Variants in SND1 observed in about 807,000 individuals in gnomAD.
The protein encoded by SND1 is staphylococcal nuclease and tudor domain containing 1.
Under a neutral mutation model 121.7 loss-of-function variants are expected in SND1, and 38 were observed. That is an observed-to-expected ratio of 0.31 (90% CI 0.24 to 0.41). SND1 has a LOEUF of 0.41. Among genes scored for constraint, SND1 ranks in the 10% least tolerant of loss-of-function variants. The pLI is 1.00. For missense variants in SND1, 868 were observed against 1,184.6 expected (o/e 0.73, Z 3.92); for synonymous variants, 401 against 447.4 (o/e 0.90, Z 1.31).
rs934086409 is a variant in SND1, at chr7:127,832,872, G to A, written c.1243-11452G>A. 1.8e-4 allele frequency among the ~76,000 whole-genome samples: 27 copies of A among 152,246 alleles called. 1 individual carries two copies. Among genetic ancestry groups the A allele is most frequent in the Non-Finnish European group, 5.9e-5 (4 of 68,042 alleles). ...GCAGCAGCATTAGATTCTCATAGAA[G>A]TGCAAAGCCTAGTGTGAACTACACG... On this transcript the variant is annotated intron_variant, in intron 11 of 23. Coordinates refer to ENST00000354725, the MANE Select transcript of SND1 (RefSeq NM_014390.4).
chr7:127,718,507 C>A, intron 9 of SND1: 1 of 934,858 alleles, frequency 1.1e-6, no homozygotes, highest in Non-Finnish European at 1.3e-6. Context: ...CGCATGCACT[C>A]ACCCTTCCTA....
At chr7:127,997,895 G>A (rs1802708582) in intron 16 of SND1, 2 of 534,584 alleles carry the variant, frequency 3.7e-6, no homozygotes, top group Non-Finnish European at 7.7e-6. Flanking sequence ...CCTTTTCTTG[G>A]AAGGCTTCCC....
chr7:127,878,445 C>T (rs1000775863), intron 12 of SND1, among the ~76,000 whole-genome samples: 1 of 152,180 alleles, frequency 6.6e-6, no homozygotes, highest in African/African-American at 2.4e-5. Context: ...CACAGCTGTG[C>T]TGGTGGGTTG....
chr7:127,881,878 A>T (rs940011594), intron 12 of SND1, among the ~76,000 whole-genome samples: 15 of 152,146 alleles, frequency 9.9e-5, no homozygotes, highest in African/African-American at 3.4e-4. Context: ...GACGCAAGAG[A>T]TCCTCCTGCC....
At chr7:127,847,137 T>G (rs535143082) in intron 12 of SND1, among the ~76,000 whole-genome samples, 1 of 152,074 alleles carries the variant, frequency 6.6e-6, no homozygotes, top group Non-Finnish European at 1.5e-5. Flanking sequence ...CTGAGTCTGG[T>G]GGCAGGTGCC....
chr7:127,993,982 A>T (rs943589201), intron 16 of SND1, among the ~76,000 whole-genome samples: 6 of 152,216 alleles, frequency 3.9e-5, no homozygotes, highest in African/African-American at 1.4e-4. Context: ...CAGGCAGAGA[A>T]CAGGAAGCTG....
intron 16 of SND1, among the ~76,000 whole-genome samples, chr7:128,041,031 A>G (rs1792845363): frequency 6.6e-6 from 1 of 152,166 alleles, no homozygotes; most frequent in South Asian, 2.1e-4. Flanking sequence ...CAGGGAGGGA[A>G]TTAAGGGACC....
intron 1 of SND1, among the ~76,000 whole-genome samples, chr7:127,683,615 A>G (rs1170413667): frequency 6.6e-6 from 1 of 152,218 alleles, no homozygotes; most frequent in Non-Finnish European, 1.5e-5. Flanking sequence ...AACTGTGTAC[A>G]GTCAGTCTTT....
At chr7:127,910,308 G>A (rs909671149) in intron 14 of SND1, among the ~76,000 whole-genome samples, 1 of 152,098 alleles carries the variant, frequency 6.6e-6, no homozygotes, top group African/African-American at 2.4e-5. Context: ...GCCAGGCGTG[G>A]TCGCGGGCAC....
chr7:127,801,443 T>C (rs1798125896), intron 10 of SND1, among the ~76,000 whole-genome samples: 1 of 152,196 alleles, frequency 6.6e-6, no homozygotes, highest in Non-Finnish European at 1.5e-5. Flanking sequence ...TTGTCCGTTA[T>C]TTACTGAGTA....
intron 1 of SND1, among the ~76,000 whole-genome samples, chr7:127,679,587 C>T (rs1411222868): frequency 6.6e-6 from 1 of 152,108 alleles, no homozygotes; most frequent in Non-Finnish European, 1.5e-5. Flanking sequence ...AGTATATTCC[C>T]CACTCTCCCC....
chr7:127,654,929 A>G (rs984428257), intron 1 of SND1, among the ~76,000 whole-genome samples: 5 of 152,240 alleles, frequency 3.3e-5, no homozygotes, highest in Admixed American at 2.6e-4. Flanking sequence ...ATTTTCCTGT[A>G]GAGTAATAGT....
intron 12 of SND1, among the ~76,000 whole-genome samples, chr7:127,879,768 G>A (rs1046000653): frequency 2.6e-5 from 4 of 152,136 alleles, no homozygotes; most frequent in African/African-American, 9.7e-5. Context: ...AGACATTGGA[G>A]TTTTTGAGGG....
At chr7:127,851,884 CG>C (rs1799170332) in intron 12 of SND1, among the ~76,000 whole-genome samples, 1 of 152,152 alleles carries the variant, frequency 6.6e-6, no homozygotes, top group Admixed American at 6.5e-5. Flanking sequence ...TGGCTGGGCA[CG>C]GTGGCTCACG....
In SND1 at chr7:128,081,464, T is replaced by C. The variant is rs774188450; in HGVS notation, c.2073T>C (p.Thr691=). The C allele has an allele frequency of 2.5e-6, 4 of 1,614,052 alleles. No homozygotes were observed. The highest frequency in any genetic ancestry group is 3.4e-6 in the Non-Finnish European group (4 of 1,180,034). The change falls in exon 18 of 24, where the codon ACT becomes ACC. Residue 691 remains threonine, a synonymous_variant. Transcript: ENST00000354725. ...SYKPVFVTEI[T]DDLHFYVQDV... is the part of the protein sequence containing the mutation. Reference sequence around the variant, plus strand: ...AGCCCGTGTTTGTGACTGAGATCACTGATGACCTGCACTTCTACGTGCAGG... The same window carrying C: ...AGCCCGTGTTTGTGACTGAGATCACCGATGACCTGCACTTCTACGTGCAGG...
intron 11 of SND1, among the ~76,000 whole-genome samples, chr7:127,819,480 TAAC>T (rs1222396024): frequency 1.3e-5 from 2 of 152,360 alleles, no homozygotes; most frequent in South Asian, 2.1e-4. Context: ...GATTCTGACT[TAAC>T]AACATTTACT....
chr7:127,733,738 T>C (rs559174408), intron 10 of SND1, among the ~76,000 whole-genome samples: 1 of 152,292 alleles, frequency 6.6e-6, no homozygotes, highest in Non-Finnish European at 1.5e-5. Flanking sequence ...GCCATATATT[T>C]TGATTGCACA....
At chr7:127,962,733 G>C (rs1584698543) in intron 15 of SND1, among the ~76,000 whole-genome samples, 2 of 152,290 alleles carry the variant, frequency 1.3e-5, no homozygotes, top group East Asian at 3.9e-4. Context: ...CCGACTGTCT[G>C]GTTTTGTAGA....
intron 10 of SND1, among the ~76,000 whole-genome samples, chr7:127,794,292 C>T (rs892415918): frequency 6.6e-6 from 1 of 152,146 alleles, no homozygotes; most frequent in African/African-American, 2.4e-5. Flanking sequence ...AAACAGAAAC[C>T]CAGTGTCTAA....
Sources: gnomAD v4.1 joint callset for allele counts (sites outside exome capture counted in the v4.1 genomes callset) on GRCh38, gnomAD v4.1.1 for gene constraint, MANE v1.5 for transcripts, NCBI Gene and HGNC (gene_info 2026-07-23, HGNC 2026-07-21) for gene names.